THOC2: variants seen among roughly 807,000 people sequenced by gnomAD.
THOC2 encodes THO complex subunit 2.
In THOC2, 10 loss-of-function variants were observed where a neutral mutation model predicts 128.4. That is an observed-to-expected ratio of 0.08 (90% CI 0.05 to 0.13). The LOEUF is 0.13. THOC2 is among the 10% of genes least tolerant of loss of function. The probability of loss-of-function intolerance (pLI) is 1.00; values close to 1 mark genes in which losing one functional copy is unlikely to be tolerated. For synonymous variants in THOC2, 393 were observed against 396.9 expected (o/e 0.99, Z 0.12); for missense variants, 535 against 1,155.7 (o/e 0.46, Z 7.79).
At chrX:123,713,493 TAAAGA>T (rs1320209690) in intron 1 of THOC2, among the ~76,000 whole-genome samples, 1 of 92,440 alleles carries the variant, frequency 1.1e-5, no homozygotes, top group South Asian at 4.6e-4. Flanking sequence ...AAAAAAAAAG[TAAAGA>T]AAAGAAAAGA....
chrX:123,707,724 C>A (rs2050993236), intron 2 of THOC2, among the ~76,000 whole-genome samples: 1 of 110,915 alleles, frequency 9.0e-6, no homozygotes, highest in Non-Finnish European at 1.9e-5. Context: ...AGTAGTGAAA[C>A]AAGAAGCTTT....
At chrX:123,684,478 G>A (rs2147865081) in intron 8 of THOC2, among the ~76,000 whole-genome samples, 1 of 111,818 alleles carries the variant, frequency 8.9e-6, no homozygotes, top group South Asian at 3.8e-4. Flanking sequence ...CCACCTCCCA[G>A]GTTCAAGAGA....
At chrX:123,635,896 G>A (rs777191991) in intron 19 of THOC2, among the ~76,000 whole-genome samples, 183 bp downstream of exon 19, 2 of 111,371 alleles carry the variant, frequency 1.8e-5, no homozygotes, top group South Asian at 7.5e-4. Flanking sequence ...CATGAAAAAA[G>A]GTGTCTATTT....
intron 37 of THOC2, among the ~76,000 whole-genome samples, chrX:123,611,193 T>A (rs1458004185): frequency 2.7e-5 from 3 of 111,152 alleles, no homozygotes; most frequent in East Asian, 2.8e-4. Flanking sequence ...TAATATAACC[T>A]GAAAGACTAT....
chrX:123,627,715 G>C lies in THOC2; in HGVS notation c.2735C>G (p.Ala912Gly). 8.3e-7 allele frequency: 1 copy of C among 1,211,032 alleles called. No homozygotes were observed. Among genetic ancestry groups the C allele is most frequent in the East Asian group, 3.0e-5 (1 of 33,823 alleles). Residue 912 changes from alanine (A) to glycine (G), a missense_variant, in exon 23 of 39, where the codon GCA becomes GGA. Coordinates refer to ENST00000245838, the MANE Select transcript of THOC2 (RefSeq NM_001081550.2). ...TACCATTTCCTGATTGTCATCAATT[G>C]CTTTCATCTGGACTTTAAGTTTATT... ...EVNKLKVQMK[A>G]IDDNQEMPPN...
chrX:123,702,381 T>C (rs773467986), intron 4 of THOC2, among the ~76,000 whole-genome samples: 8 of 109,525 alleles, frequency 7.3e-5, no homozygotes, highest in African/African-American at 2.6e-4. Flanking sequence ...CTCATGCCTA[T>C]AATCCCAGCA....
intron 12 of THOC2, among the ~76,000 whole-genome samples, chrX:123,660,631 T>C (rs1024652700): frequency 1.8e-5 from 2 of 112,310 alleles, no homozygotes; most frequent in Non-Finnish European, 3.8e-5. Flanking sequence ...ACAGCCCTTT[T>C]GTTTCTTGAG....
In THOC2 at chrX:123,638,080, C is replaced by T; in HGVS notation, c.1884G>A (p.Met628Ile). 8.3e-7 allele frequency: 1 copy of T among 1,199,830 alleles called. No individual in the cohort carries two copies. Among genetic ancestry groups the T allele is most frequent in the Non-Finnish European group, 1.1e-6 (1 of 888,020 alleles). ...TTGAGATGGTTGTGTCATCATGTTT[C>T]ATTCTTTCCTTTTCTGGATTAGCTA... ...EALANPEKER[M>I]KHDDTTISSW... is the part of the protein sequence containing the mutation. The change falls in exon 18 of 39, where the codon ATG becomes ATA. Residue 628 changes from methionine to isoleucine, a missense_variant. This residue lies in a region of THOC2 where 197 missense variants were observed against 313.4 expected (regional missense o/e 0.63). Transcript: ENST00000245838.
chrX:123,714,349 G>A (rs2051318581), intron 1 of THOC2, among the ~76,000 whole-genome samples: 1 of 112,232 alleles, frequency 8.9e-6, no homozygotes, highest in Non-Finnish European at 1.9e-5. Flanking sequence ...TGAAAGGATG[G>A]ATAAAGATAC....
intron 3 of THOC2, among the ~76,000 whole-genome samples, chrX:123,706,050 A>G (rs2050911606): frequency 9.0e-6 from 1 of 111,490 alleles, no homozygotes; most frequent in Non-Finnish European, 1.9e-5. Context: ...TTTAAATGGC[A>G]AACCACCATG....
intron 8 of THOC2, 90 bp from the exon 9 acceptor site, chrX:123,671,851 A>G (rs1399558963): frequency 8.4e-6 from 4 of 475,031 alleles, no homozygotes; most frequent in Non-Finnish European, 1.4e-5. Flanking sequence ...GAACAATTAG[A>G]TCAAATACTC....
At chrX:123,639,780 T>C (rs1213225854) in intron 16 of THOC2, among the ~76,000 whole-genome samples, 2 of 111,681 alleles carry the variant, frequency 1.8e-5, no homozygotes, top group Non-Finnish European at 3.8e-5. Context: ...GTAATAAACC[T>C]GCACATGTAC....
At chrX:123,700,508 G>A (rs1405783851) in intron 4 of THOC2, among the ~76,000 whole-genome samples, 2 of 84,764 alleles carry the variant, frequency 2.4e-5, no homozygotes, top group Non-Finnish European at 4.6e-5. Flanking sequence ...TTCTCGGGGC[G>A]GGGCTGGGGG....
Position 123,624,526 on chromosome X carries a change from T to G in THOC2, c.3186+15A>C, listed in dbSNP as rs773869591. On this transcript the variant is annotated intron_variant, in intron 26 of 38. Coordinates refer to ENST00000245838, the MANE Select transcript of THOC2 (RefSeq NM_001081550.2). Reference sequence around the variant, plus strand: ...ATATACATGGGTAAAATATAAGGGTTTTTATTAGTCATACCTTTTCATATG... The same window carrying G: ...ATATACATGGGTAAAATATAAGGGTGTTTATTAGTCATACCTTTTCATATG... 8.3e-6 allele frequency: 10 copies of G among 1,199,411 alleles called. No homozygotes were observed. Among genetic ancestry groups the G allele is most frequent in the Middle Eastern group, 2.3e-4 (1 of 4,293 alleles).
At chrX:123,731,190 A>G (rs1167291761) in intron 1 of THOC2, among the ~76,000 whole-genome samples, 3 of 112,201 alleles carry the variant, frequency 2.7e-5, no homozygotes, top group African/African-American at 6.5e-5. Flanking sequence ...CAAACTTGAC[A>G]GCTATTTGTT....
chrX:123,724,133 T>C (rs770507692), intron 1 of THOC2, among the ~76,000 whole-genome samples: 4 of 111,806 alleles, frequency 3.6e-5, no homozygotes, highest in Admixed American at 9.6e-5. Flanking sequence ...ATGAAACAAA[T>C]AATTTTAAGA....
intron 30 of THOC2, 73 bp downstream of exon 30, chrX:123,622,685 C>T (rs1308006689): frequency 3.1e-5 from 24 of 784,159 alleles, no homozygotes; most frequent in African/African-American, 4.3e-5. Context: ...AGACCAACCC[C>T]GTCTCAAAAA....
At chrX:123,612,425 G>C (rs1270874266) in intron 36 of THOC2, among the ~76,000 whole-genome samples, 2 of 111,853 alleles carry the variant, frequency 1.8e-5, no homozygotes, top group African/African-American at 6.5e-5. Context: ...AAAGACATCA[G>C]ACACAAAAGG....
chrX:123,649,726 T>C, intron 12 of THOC2, among the ~76,000 whole-genome samples: 2 of 110,204 alleles, frequency 1.8e-5, no homozygotes. Context: ...ATCAATTTAA[T>C]GAAACAAAAT....
Sources: gnomAD v4.1 joint callset for allele counts (sites outside exome capture counted in the v4.1 genomes callset) on GRCh38, gnomAD v4.1.1 for gene constraint, gnomAD v4.1.1 regional missense constraint, MANE v1.5 for transcripts, NCBI Gene and HGNC (gene_info 2026-07-23, HGNC 2026-07-21) for gene names.